UBE2A: variants seen among roughly 807,000 people sequenced by gnomAD.
UBE2A encodes the protein ubiquitin-conjugating enzyme E2 A.
For missense variants in UBE2A, 27 were observed against 125.8 expected, an observed-to-expected ratio of 0.21 and a Z score of 3.76; for synonymous variants, 39 against 41.1, an observed-to-expected ratio of 0.95 and a Z score of 0.20.
chrX:119,577,634 G>C (rs866289476), intron 3 of UBE2A, among the ~76,000 whole-genome samples: 132 of 57,225 alleles, frequency 2.3e-3, no homozygotes, highest in African/African-American at 8.3e-3. Flanking sequence ...AAAAATTTTA[G>C]CTTTTTTTTT....
chrX:119,581,353 A>G (rs2053449362), intron 3 of UBE2A, 154 bp from the exon 4 acceptor site: 4 of 413,956 alleles, frequency 9.7e-6, no homozygotes, highest in South Asian at 8.6e-5. Context: ...TCTTAGAGCA[A>G]TTCCTAGAGA....
At chrX:119,575,333 G>C (rs368816911) in intron 2 of UBE2A, 42 bp from the exon 3 acceptor site, 84 of 1,209,553 alleles carry the variant, frequency 6.9e-5, no homozygotes, top group Non-Finnish European at 7.8e-5. Flanking sequence ...GGGAGAAGGG[G>C]GCCCCTTAAG....
intron 4 of UBE2A, among the ~76,000 whole-genome samples, chrX:119,581,967 T>C (rs1039737280): frequency 8.9e-6 from 1 of 112,471 alleles, no homozygotes; most frequent in Admixed American, 9.4e-5. Context: ...TCAGAATTAC[T>C]GTGGAACATT....
At chrX:119,582,951 A>C (rs2053459667) in intron 5 of UBE2A, among the ~76,000 whole-genome samples, 176 bp from the exon 6 acceptor site, 1 of 104,271 alleles carries the variant, frequency 9.6e-6, no homozygotes, top group Non-Finnish European at 2.0e-5. Flanking sequence ...TTCTCCCTTA[A>C]AAAAAAAAAA....
At chrX:119,582,949 TAA>T (rs887191386) in intron 5 of UBE2A, among the ~76,000 whole-genome samples, 176 bp from the exon 6 acceptor site, 4 of 97,547 alleles carry the variant, frequency 4.1e-5, no homozygotes, top group Admixed American at 1.1e-4. Flanking sequence ...TCTTCTCCCT[TAA>T]AAAAAAAAAA....
In UBE2A at chrX:119,581,612, A is replaced by G. The variant is rs2053451098; in HGVS notation, c.241+16A>G. 2 of 1,122,351 alleles carry G rather than the reference A, an allele frequency of 1.8e-6. No homozygotes were observed. Among genetic ancestry groups the G allele is most frequent in the Non-Finnish European group, 2.5e-6 (2 of 813,759 alleles). The allele number at this position is 1,122,351 out of a possible 1,213,427, so 92.5% of individuals were successfully genotyped here. A position where few individuals can be genotyped will look rare whatever the true frequency, so the allele number is the denominator to read the frequency against. On this transcript the variant is annotated intron_variant, in intron 4 of 5. Transcript: ENST00000371558. ...CATCCAAATGGCAAGTATCACTTTT[A>G]GTACAGTGTTTTAAACTACTATAGT... is the stretch of plus-strand genomic sequence containing the variant.
chrX:119,578,681 AACTTG>A lies in UBE2A; in HGVS notation c.152-2821_152-2817del, dbSNP rs754675201. Among the ~76,000 whole-genome samples the A allele has an allele frequency of 1.2e-4, 13 of 111,497 alleles. No homozygotes were observed. In the South Asian group the frequency reaches 2.3e-3, roughly 19 times the overall value. On this transcript the variant is annotated intron_variant, in intron 3 of 5. Coordinates refer to ENST00000371558, the MANE Select transcript of UBE2A (RefSeq NM_003336.4). ...CTTTGGCCAACACAGTATTTTCCAA[AACTTG>A]ACTTTGTGAGTGTCTTTAGGCAGAA... is the stretch of plus-strand genomic sequence containing the variant.
At chrX:119,574,790 G>T in intron 1 of UBE2A, 35 bp downstream of exon 1, 2 of 1,185,073 alleles carry the variant, frequency 1.7e-6, no homozygotes, top group Non-Finnish European at 2.3e-6. Context: ...CGGGGGTTGC[G>T]AGCTGGGGCA....
At chrX:119,575,763 C>T (rs565523361) in intron 3 of UBE2A, 9 of 194,993 alleles carry the variant, frequency 4.6e-5, no homozygotes, top group Admixed American at 1.9e-4. Flanking sequence ...GCAGAGACCC[C>T]AGAGACCATC....
chrX:119,582,230 T>C (rs757937196), intron 4 of UBE2A: 20 of 136,152 alleles, frequency 1.5e-4, no homozygotes, highest in Admixed American at 7.2e-4. Context: ...TCTTTTGTTA[T>C]TTCAGATAGG....
rs2053466458 is a variant in UBE2A, at chrX:119,583,578, G to A, written c.*323G>A. ...GCTTTTAAGATGAATTGTTATACAA[G>A]AGGTGCTTATGCTTAGCTTGATGAC... On this transcript the variant is annotated 3_prime_UTR_variant, in exon 6 of 6. Coordinates refer to ENST00000371558, the MANE Select transcript of UBE2A (RefSeq NM_003336.4). 3.9e-6 allele frequency: 1 copy of A among 258,219 alleles called. No homozygotes were observed. The highest frequency in any genetic ancestry group is 8.9e-5 in the East Asian group (1 of 11,281). 21.3% of individuals were successfully genotyped at this position (258,219 alleles called of 1,213,427 possible). A position where few individuals can be genotyped will look rare whatever the true frequency, so the allele number is the denominator to read the frequency against.
At chrX:119,576,519 A>G (rs1430554352) in intron 3 of UBE2A, among the ~76,000 whole-genome samples, 2 of 111,903 alleles carry the variant, frequency 1.8e-5, no homozygotes, top group African/African-American at 6.5e-5. Flanking sequence ...ACACACACAC[A>G]CACACACACT....
intron 3 of UBE2A, among the ~76,000 whole-genome samples, chrX:119,577,281 T>C (rs776484541): frequency 8.9e-6 from 1 of 111,912 alleles, no homozygotes; most frequent in Non-Finnish European, 1.9e-5. Flanking sequence ...TTGCTTTAGC[T>C]CTAGTAGGCC....
chrX:119,576,506 C>CACACAGCATTTAT (rs758401945), intron 3 of UBE2A, among the ~76,000 whole-genome samples: 2 of 81,861 alleles, frequency 2.4e-5, no homozygotes, highest in African/African-American at 1.3e-4. Flanking sequence ...AGCATTTATA[C>CACACAGCATTTAT]ACACACACAC....
At chrX:119,574,781 G>C (rs1196023546) in intron 1 of UBE2A, 26 bp downstream of exon 1, 12 of 1,182,550 alleles carry the variant, frequency 1.0e-5, no homozygotes. Flanking sequence ...GGCCGAGGCC[G>C]GGGGTTGCGA....
chrX:119,584,110 G>T lies in UBE2A; in HGVS notation c.*855G>T, dbSNP rs920752551. On this transcript the variant is annotated 3_prime_UTR_variant, in exon 6 of 6. Coordinates refer to ENST00000371558, the MANE Select transcript of UBE2A (RefSeq NM_003336.4). ...AGAGTTTTAATGAATTCAAGGAAGGGAGCATAGCATATCTGTGGCAAACTA... is the reference window on the plus strand; with the variant it reads ...AGAGTTTTAATGAATTCAAGGAAGGTAGCATAGCATATCTGTGGCAAACTA... 1 of 112,306 alleles carries T rather than the reference G, an allele frequency of 8.9e-6. No individual in the cohort carries two copies. The highest frequency in any genetic ancestry group is 1.9e-5 in the Non-Finnish European group (1 of 53,228). 9.3% of individuals were successfully genotyped at this position (112,306 alleles called of 1,213,427 possible).
chrX:119,575,001 G>A lies in UBE2A; in HGVS notation c.125+20G>A, dbSNP rs752202608. On this transcript the variant is annotated intron_variant, in intron 2 of 5. Coordinates refer to ENST00000371558, the MANE Select transcript of UBE2A (RefSeq NM_003336.4). ...TTTCGGGTGAGTCTGCGTTCGTGGCGGTGGCGAGAAAACTGGGGACGCGAG... is the reference window on the plus strand; with the variant it reads ...TTTCGGGTGAGTCTGCGTTCGTGGCAGTGGCGAGAAAACTGGGGACGCGAG... The A allele has an allele frequency of 1.7e-6, 2 of 1,210,384 alleles. No homozygotes were observed. The highest frequency in any genetic ancestry group is 2.3e-4 in the Middle Eastern group (1 of 4,348).
intron 3 of UBE2A, chrX:119,580,226 A>G: frequency 8.9e-6 from 1 of 112,122 alleles, no homozygotes; most frequent in East Asian, 2.8e-4. Flanking sequence ...AAGCTTTGAG[A>G]CACTTGTTCA....
chrX:119,578,152 CT>C (rs1472656350), intron 3 of UBE2A, among the ~76,000 whole-genome samples: 1 of 111,764 alleles, frequency 8.9e-6, no homozygotes, highest in African/African-American at 3.3e-5. Flanking sequence ...GTGATGAAAT[CT>C]TAAGACAAGC....
Sources: allele counts gnomAD v4.1 joint callset (sites outside exome capture counted in the v4.1 genomes callset), GRCh38; gene constraint gnomAD v4.1.1; transcripts MANE v1.5; gene names NCBI Gene and HGNC (gene_info 2026-07-23, HGNC 2026-07-21).